Variants in TRAPPC9 observed in about 807,000 individuals in gnomAD.
The protein encoded by TRAPPC9 is trafficking protein particle complex subunit 9, also known as IKK2 binding protein.
In TRAPPC9, 83 loss-of-function variants were observed where a neutral mutation model predicts 124.0. That is an observed-to-expected ratio of 0.67 (90% CI 0.56 to 0.80). The LOEUF (loss-of-function observed/expected upper bound fraction) is 0.80. TRAPPC9 is among the 30% of genes least tolerant of loss of function. The pLI is 0.00. For missense variants in TRAPPC9, 1,302 were observed against 1,508.3 expected (o/e 0.86, Z 2.27); for synonymous variants, 638 against 617.5 (o/e 1.03, Z -0.49).
chr8:139,802,137 G>A (rs1280517320), intron 21 of TRAPPC9, among the ~76,000 whole-genome samples: 1 of 152,154 alleles, frequency 6.6e-6, no homozygotes, highest in Non-Finnish European at 1.5e-5. Flanking sequence ...AGTACAGAAC[G>A]GCATGGGTCA....
Position 139,825,651 on chromosome 8 carries a change from C to T in TRAPPC9, c.3055+60228G>A, listed in dbSNP as rs1825574165. On this transcript the variant is annotated intron_variant, in intron 21 of 22. Coordinates refer to ENST00000438773, the MANE Select transcript of TRAPPC9 (RefSeq NM_001160372.4). This position sits in a 1 kb window ranked among gnomAD's most constrained non-coding sequence, Gnocchi z 4.6. Reference sequence around the variant, plus strand: ...CTTCCACCCGGGGGAAATTTCATGGCTCTGGTTTGTTTGCTTTGGGCCAGG... The same window carrying T: ...CTTCCACCCGGGGGAAATTTCATGGTTCTGGTTTGTTTGCTTTGGGCCAGG... Among the ~76,000 whole-genome samples, 1 of 152,104 alleles carries T rather than the reference C, an allele frequency of 6.6e-6. No individual in the cohort carries two copies. Among genetic ancestry groups the T allele is most frequent in the South Asian group, 2.1e-4 (1 of 4,824 alleles).
chr8:139,984,645 C>T lies in TRAPPC9; in HGVS notation c.2810+4081G>A, dbSNP rs556179965. Among the ~76,000 whole-genome samples, 47 of 152,284 alleles carry T rather than the reference C, an allele frequency of 3.1e-4. No individual in the cohort carries two copies. Among genetic ancestry groups the T allele is most frequent in the Middle Eastern group, 3.4e-3 (1 of 294 alleles). On this transcript the variant is annotated intron_variant, in intron 19 of 22. Coordinates refer to ENST00000438773, the MANE Select transcript of TRAPPC9 (RefSeq NM_001160372.4). This position sits in a 1 kb window ranked among gnomAD's most constrained non-coding sequence, Gnocchi z 4.3. ...TAAGGTAGAGCCATTTCCACTTCCT[C>T]CACCTGCACTGCTCTGCACAACCCC...
intron 21 of TRAPPC9, among the ~76,000 whole-genome samples, chr8:139,839,027 G>A (rs1208011178): frequency 6.6e-6 from 1 of 152,184 alleles, no homozygotes; most frequent in Non-Finnish European, 1.5e-5. Context: ...GCCCTATTTA[G>A]AAGATGCATC....
intron 17 of TRAPPC9, among the ~76,000 whole-genome samples, chr8:140,177,025 T>G (rs961091993): frequency 6.6e-6 from 1 of 152,228 alleles, no homozygotes; most frequent in Admixed American, 6.5e-5. Flanking sequence ...TTGTAAGAGC[T>G]TTATGTCTAT....
chr8:139,821,012 T>A (rs1198100549), intron 21 of TRAPPC9, among the ~76,000 whole-genome samples: 1 of 152,144 alleles, frequency 6.6e-6, no homozygotes, highest in African/African-American at 2.4e-5. Context: ...GCAAAAGCCA[T>A]GAAAACAAAG....
At chr8:139,822,028 C>G (rs1825289124) in intron 21 of TRAPPC9, among the ~76,000 whole-genome samples, 1 of 152,172 alleles carries the variant, frequency 6.6e-6, no homozygotes, top group African/African-American at 2.4e-5. Flanking sequence ...TGGCTTTGAC[C>G]CCTGCCCTTT....
chr8:139,734,026 C>T (rs2926787), intron 21 of TRAPPC9, among the ~76,000 whole-genome samples: 2 of 152,198 alleles, frequency 1.3e-5, no homozygotes, highest in Non-Finnish European at 2.9e-5. Flanking sequence ...CCCCAAGCCA[C>T]TCTTTCGACC....
intron 19 of TRAPPC9, among the ~76,000 whole-genome samples, chr8:139,956,405 C>T (rs1369272177): frequency 6.6e-6 from 1 of 152,178 alleles, no homozygotes. Flanking sequence ...TTGTGATCCG[C>T]CCACCTCAAC....
intron 18 of TRAPPC9, among the ~76,000 whole-genome samples, chr8:140,010,036 A>C (rs1055370619): frequency 1.3e-5 from 2 of 152,240 alleles, no homozygotes; most frequent in Non-Finnish European, 2.9e-5. Context: ...CTGATGAACA[A>C]TTTAAAATGA....
chr8:139,999,743 A>C (rs1440508141), intron 18 of TRAPPC9, among the ~76,000 whole-genome samples: 1 of 152,254 alleles, frequency 6.6e-6, no homozygotes, highest in Non-Finnish European at 1.5e-5. Flanking sequence ...GAATTAACCT[A>C]GAAATCAATG....
chr8:140,091,093 G>C (rs1279624485), intron 17 of TRAPPC9, among the ~76,000 whole-genome samples: 2 of 152,128 alleles, frequency 1.3e-5, no homozygotes, highest in Admixed American at 1.3e-4. Context: ...CAAAACCCTG[G>C]GTAAGAGATC....
chr8:139,922,005 G>A (rs1461336054), intron 19 of TRAPPC9, among the ~76,000 whole-genome samples: 5 of 152,062 alleles, frequency 3.3e-5, no homozygotes, highest in South Asian at 2.1e-4. Flanking sequence ...GGAAATAAAT[G>A]TCAAAGGCTA....
chr8:140,233,752 GAA>G (rs549304468), intron 16 of TRAPPC9, among the ~76,000 whole-genome samples: 3 of 111,900 alleles, frequency 2.7e-5, no homozygotes, highest in Admixed American at 8.6e-5. Context: ...CACATTAAAA[GAA>G]AAAAAAAAAA....
At chr8:140,027,016 G>A (rs963105178) in intron 17 of TRAPPC9, among the ~76,000 whole-genome samples, 6 of 152,086 alleles carry the variant, frequency 3.9e-5, no homozygotes, top group African/African-American at 9.7e-5. Context: ...CTCTTACATT[G>A]CCCTTGTCAT....
At chr8:140,191,699 C>A (rs2062495583) in intron 17 of TRAPPC9, among the ~76,000 whole-genome samples, 1 of 152,302 alleles carries the variant, frequency 6.6e-6, no homozygotes, top group Non-Finnish European at 1.5e-5. Flanking sequence ...CTTTTCTTTA[C>A]AAACTACCCA....
At chr8:140,261,991 A>G (rs187158327) in intron 15 of TRAPPC9, among the ~76,000 whole-genome samples, 2 of 152,324 alleles carry the variant, frequency 1.3e-5, no homozygotes, top group East Asian at 3.9e-4. Context: ...GTACTCCCGT[A>G]AAACAGGTAC....
chr8:139,884,441 G>A (rs983510845), intron 21 of TRAPPC9, among the ~76,000 whole-genome samples: 14 of 152,192 alleles, frequency 9.2e-5, no homozygotes, highest in African/African-American at 3.4e-4. Context: ...AAGTCACTCT[G>A]TTCTTTGCTC....
At chr8:140,005,552 T>G (rs1421753326) in intron 18 of TRAPPC9, among the ~76,000 whole-genome samples, 1 of 152,088 alleles carries the variant, frequency 6.6e-6, no homozygotes. Flanking sequence ...GAACAGTGTT[T>G]GCAAAGGTCT....
chr8:140,155,377 A>T (rs934995699), intron 17 of TRAPPC9, among the ~76,000 whole-genome samples: 2 of 152,182 alleles, frequency 1.3e-5, no homozygotes, highest in Non-Finnish European at 2.9e-5. Flanking sequence ...TGCTCCCACC[A>T]CTGGCTGTTA....
Sources: allele counts gnomAD v4.1 joint callset (sites outside exome capture counted in the v4.1 genomes callset), GRCh38; gene constraint gnomAD v4.1.1; non-coding constraint Gnocchi (gnomAD v3.1); transcripts MANE v1.5; gene names NCBI Gene and HGNC (gene_info 2026-07-23, HGNC 2026-07-21).